Variants in OR2J1 observed in about 807,000 individuals in gnomAD.
OR2J1 encodes the protein olfactory receptor 2J1.
Under a neutral mutation model 10.2 loss-of-function variants are expected in OR2J1, and 10 were observed. The observed-to-expected ratio is 0.98, with a 90% CI of 0.60 to 1.66. The LOEUF (loss-of-function observed/expected upper bound fraction) is 1.66. OR2J1 is among the 40% of genes most tolerant of loss of function. OR2J1 has a pLI of 0.00. For missense variants in OR2J1, 317 were observed against 379.4 expected, an observed-to-expected ratio of 0.84 and a Z score of 1.37; for synonymous variants, 143 against 138.8, an observed-to-expected ratio of 1.03 and a Z score of -0.21.
chr6:29,101,070 A>T lies in OR2J1; in HGVS notation c.128A>T (p.Asn43Ile). The change falls in exon 2 of 2, where the codon AAC (asparagine) becomes ATC (isoleucine). Residue 43 changes from asparagine to isoleucine, a missense_variant. Asn to Ile is a moderately radical substitution (Grantham distance 149, BLOSUM62 -3). Coordinates refer to ENST00000641659, the MANE Select transcript of OR2J1 (RefSeq NM_001348294.2). ...TTCTACTTGATAACACTGATAGGAAACCTGTTCATCATCATCCTGTCATAC... is the reference window on the plus strand; with the variant it reads ...TTCTACTTGATAACACTGATAGGAATCCTGTTCATCATCATCCTGTCATAC... ...LIFYLITLIG[N>I]LFIIILSYLD... 6.5e-7 allele frequency: 1 copy of T among 1,531,506 alleles called. No homozygotes were observed. Among genetic ancestry groups the T allele is most frequent in the Non-Finnish European group, 9.1e-7 (1 of 1,104,966 alleles). 94.9% of individuals were successfully genotyped at this position (1,531,506 alleles called of 1,614,324 possible).
rs1739129143 is a variant in OR2J1 at position 29,099,497 on chromosome 6, G to A, written c.-545G>A. ...TATCAGATTTCACCTTTTAATTACTGTAGTAAGGAAGTCAGGCAGCTGCAT... is the reference window on the plus strand; with the variant it reads ...TATCAGATTTCACCTTTTAATTACTATAGTAAGGAAGTCAGGCAGCTGCAT... On this transcript the variant is annotated 5_prime_UTR_variant, in exon 1 of 2. Coordinates refer to ENST00000641659, the MANE Select transcript of OR2J1 (RefSeq NM_001348294.2). 6.6e-6 allele frequency among the ~76,000 whole-genome samples: 1 copy of A among 150,468 alleles called. No homozygotes were observed. Among genetic ancestry groups the A allele is most frequent in the Admixed American group, 6.7e-5 (1 of 14,976 alleles).
intron 1 of OR2J1, chr6:29,100,528 CTA>C: frequency 6.4e-6 from 1 of 155,192 alleles, no homozygotes; most frequent in East Asian, 1.9e-4. Flanking sequence ...AAGTTCCTAT[CTA>C]TAAGTAAGAT....
At position 29,101,064 on chromosome 6, in the gene OR2J1, T is replaced by C. The variant is rs750827384; in HGVS notation, c.122T>C (p.Ile41Thr). The C allele has an allele frequency of 6.5e-7, 1 of 1,529,478 alleles. No individual in the cohort carries two copies. The highest frequency in any genetic ancestry group is 9.1e-7 in the Non-Finnish European group (1 of 1,102,982). The allele number at this position is 1,529,478 out of a possible 1,614,324, so 94.7% of individuals were successfully genotyped here. A position where few individuals can be genotyped will look rare whatever the true frequency, so the allele number is the denominator to read the frequency against. Residue 41 changes from isoleucine (I) to threonine (T), a missense_variant, in exon 2 of 2, where the codon ATA becomes ACA. By Grantham distance (89) the Ile-to-Thr change is moderately conservative. Coordinates refer to ENST00000641659, the MANE Select transcript of OR2J1 (RefSeq NM_001348294.2). ...VILIFYLITLIGNLFIIILSY... is the reference protein window; with the variant it reads ...VILIFYLITLTGNLFIIILSY... ...TTGATCTTCTACTTGATAACACTGATAGGAAACCTGTTCATCATCATCCTG... is the reference window on the plus strand; with the variant it reads ...TTGATCTTCTACTTGATAACACTGACAGGAAACCTGTTCATCATCATCCTG...
rs1305550446 is a variant in OR2J1 at position 29,101,836 on chromosome 6, A to T, written c.894A>T (p.Val298=). 3.9e-6 allele frequency: 6 copies of T among 1,526,314 alleles called. No homozygotes were observed. The Admixed American group carries it at 1.0e-4, about 25-fold the overall frequency. The allele number at this position is 1,526,314 out of a possible 1,614,324, so 94.5% of individuals were successfully genotyped here. A position where few individuals can be genotyped will look rare whatever the true frequency, so the allele number is the denominator to read the frequency against. The stretch of plus-strand genomic sequence containing the variant: ...TCTACACTTTCAGAAACAAGGATGT[A>T]AGAGGGGCAGTGAAGAGACTAATGG... The part of the protein sequence containing the change: ...PLIYTFRNKD[V]RGAVKRLMGW... The change falls in exon 2 of 2, where the codon GTA becomes GTT. Residue 298 remains valine, a synonymous_variant. Transcript: ENST00000641659.
Position 29,101,815 on chromosome 6 carries a change from C to T in OR2J1, c.873C>T (p.Tyr291=). 1.9e-6 allele frequency: 3 copies of T among 1,583,006 alleles called. No individual in the cohort carries two copies. The highest frequency in any genetic ancestry group is 2.2e-5 in the East Asian group (1 of 44,732). The change falls in exon 2 of 2, where the codon TAC becomes TAT. Residue 291 remains tyrosine, a synonymous_variant. Transcript: ENST00000641659. ...CACCTAGTCTTAACCCTCTAATCTA[C>T]ACTTTCAGAAACAAGGATGTAAGAG... ...VVTPSLNPLI[Y]TFRNKDVRGA... is the part of the protein sequence containing the mutation.
rs951644747 is a variant in OR2J1 at position 29,099,837 on chromosome 6, A to G, written c.-205A>G. ...CAAGATTAGAATATTTGAGTTGTTA[A>G]AAGTTTTTCAAAACACTGAAGGTGA... On this transcript the variant is annotated 5_prime_UTR_variant, in exon 1 of 2. Coordinates refer to ENST00000641659, the MANE Select transcript of OR2J1 (RefSeq NM_001348294.2). The G allele has an allele frequency of 1.3e-4, 20 of 152,226 alleles. No homozygotes were observed. The highest frequency in any genetic ancestry group is 4.6e-4 in the African/African-American group (19 of 41,456). The allele number at this position is 152,226 out of a possible 1,614,324, so 9.4% of individuals were successfully genotyped here.
At position 29,101,174 on chromosome 6, in the gene OR2J1, T is replaced by C; in HGVS notation, c.232T>C (p.Ser78Pro). The C allele has an allele frequency of 1.3e-6, 2 of 1,590,250 alleles. No individual in the cohort carries two copies. Among genetic ancestry groups the C allele is most frequent in the Non-Finnish European group, 1.7e-6 (2 of 1,158,364 alleles). Residue 78 changes from serine (S) to proline (P), a missense_variant, in exon 2 of 2, where the codon TCT becomes CCT. By Grantham distance (74) the Ser-to-Pro change is moderately conservative. Transcript: ENST00000641659. ...SFLDLCYTTS[S>P]IPQLLVNLWG... Reference sequence around the variant, plus strand: ...TCTGGATCTCTGCTACACCACCAGCTCTATCCCTCAGTTGCTGGTGAATCT... The same window carrying C: ...TCTGGATCTCTGCTACACCACCAGCCCTATCCCTCAGTTGCTGGTGAATCT...
Position 29,101,427 on chromosome 6 carries a change from C to T in OR2J1, c.485C>T (p.Ser162Phe), listed in dbSNP as rs767569473. 1.8e-5 allele frequency: 27 copies of T among 1,524,618 alleles called. No homozygotes were observed. In the East Asian group the frequency reaches 4.7e-4, roughly 27 times the overall value. 94.4% of individuals were successfully genotyped at this position (1,524,618 alleles called of 1,614,324 possible). A position where few individuals can be genotyped will look rare whatever the true frequency, so the allele number is the denominator to read the frequency against. The change falls in exon 2 of 2, where the codon TCC becomes TTC. Residue 162 changes from serine (S) to phenylalanine (F), a missense_variant. Ser to Phe is a radical substitution (Grantham distance 155, BLOSUM62 -2). Coordinates refer to ENST00000641659, the MANE Select transcript of OR2J1 (RefSeq NM_001348294.2). The part of the protein sequence containing the change: ...SGFTTSALHS[S>F]FTFWIPLCRH... ...TTTACAACCTCAGCACTTCATTCCT[C>T]CTTTACTTTCTGGATACCCCTATGT...
At position 29,101,625 on chromosome 6, in the gene OR2J1, G is replaced by A; in HGVS notation, c.683G>A (p.Ser228Asn). The change falls in exon 2 of 2, where the codon AGC becomes AAC. Residue 228 changes from serine (S) to asparagine (N), a missense_variant. Physicochemically the swap from Ser to Asn is conservative, Grantham distance 46. Coordinates refer to ENST00000641659, the MANE Select transcript of OR2J1 (RefSeq NM_001348294.2). Reference sequence around the variant, plus strand: ...GGTGCCATTGCCCGGGCTGTACTGAGCATGCAATCAACCACTGGGCTTCAG... The same window carrying A: ...GGTGCCATTGCCCGGGCTGTACTGAACATGCAATCAACCACTGGGCTTCAG... The part of the protein sequence containing the change: ...SYGAIARAVL[S>N]MQSTTGLQKV... The A allele has an allele frequency of 1.2e-6, 2 of 1,612,364 alleles. No individual in the cohort carries two copies. The highest frequency in any genetic ancestry group is 1.7e-6 in the Non-Finnish European group (2 of 1,178,434).
intron 1 of OR2J1, chr6:29,100,471 T>C (rs1761528505): frequency 6.5e-6 from 1 of 152,766 alleles, no homozygotes; most frequent in Non-Finnish European, 1.5e-5. Flanking sequence ...TCTTTTCAGT[T>C]CATATTAATA....
rs746938852 is a variant in OR2J1, at chr6:29,101,832, A to G, written c.890A>G (p.Asp297Gly). 7.8e-6 allele frequency: 12 copies of G among 1,534,298 alleles called. No individual in the cohort carries two copies. Among genetic ancestry groups the G allele is most frequent in the South Asian group, 1.1e-5 (1 of 89,438 alleles). Reference protein sequence around the residue: ...NPLIYTFRNKDVRGAVKRLMG... With the variant: ...NPLIYTFRNKGVRGAVKRLMG... ...CTAATCTACACTTTCAGAAACAAGG[A>G]TGTAAGAGGGGCAGTGAAGAGACTA... The change falls in exon 2 of 2, where the codon GAT (aspartate) becomes GGT (glycine). Residue 297 changes from aspartate to glycine, a missense_variant. Asp to Gly is a moderately conservative substitution (Grantham distance 94). Transcript: ENST00000641659.
rs776860376 is a variant in OR2J1 at position 29,101,422 on chromosome 6, T to C, written c.480T>C (p.His160=). The change falls in exon 2 of 2, where the codon CAT becomes CAC. Residue 160 remains histidine (H), a synonymous_variant. Coordinates refer to ENST00000641659, the MANE Select transcript of OR2J1 (RefSeq NM_001348294.2). ...GTGGTTTTACAACCTCAGCACTTCA[T>C]TCCTCCTTTACTTTCTGGATACCCC... The part of the protein sequence containing the change: ...WVSGFTTSAL[H]SSFTFWIPLC... 6.6e-5 allele frequency: 101 copies of C among 1,528,630 alleles called. No homozygotes were observed. The highest frequency in any genetic ancestry group is 8.7e-5 in the Non-Finnish European group (96 of 1,101,408). 94.7% of individuals were successfully genotyped at this position (1,528,630 alleles called of 1,614,324 possible).
chr6:29,101,238 C>G lies in OR2J1; in HGVS notation c.296C>G (p.Thr99Arg), dbSNP rs771645444. The change falls in exon 2 of 2, where the codon ACG becomes AGG. Residue 99 changes from threonine (T) to arginine (R), a missense_variant. Physicochemically the swap from Thr to Arg is moderately conservative, Grantham distance 71. Coordinates refer to ENST00000641659, the MANE Select transcript of OR2J1 (RefSeq NM_001348294.2). ...PEKTISYAGC[T>R]VQLYFVLALG... is the part of the protein sequence containing the mutation. ...AAGACCATCTCTTATGCTGGTTGTA[C>G]GGTTCAACTTTACTTTGTTCTCGCA... 4 of 1,598,826 alleles carry G rather than the reference C, an allele frequency of 2.5e-6. No homozygotes were observed. The East Asian group carries it at 8.9e-5, about 36-fold the overall frequency.
chr6:29,099,629 T>C lies in OR2J1; in HGVS notation c.-413T>C, dbSNP rs1057428717. 3 of 152,204 alleles carry C rather than the reference T, an allele frequency of 2.0e-5. No homozygotes were observed. The highest frequency in any genetic ancestry group is 7.2e-5 in the African/African-American group (3 of 41,450). 9.4% of individuals were successfully genotyped at this position (152,204 alleles called of 1,614,324 possible). A position where few individuals can be genotyped will look rare whatever the true frequency, so the allele number is the denominator to read the frequency against. On this transcript the variant is annotated 5_prime_UTR_variant, in exon 1 of 2. Coordinates refer to ENST00000641659, the MANE Select transcript of OR2J1 (RefSeq NM_001348294.2). ...CCTAGCGAAATTTTTAAAAAAATTC[T>C]TGCAATTTTTCCATGATTTCTCAAA...
In OR2J1 at chr6:29,100,930, A is replaced by C. The variant is rs759070957; in HGVS notation, c.-13A>C. 1.1e-5 allele frequency: 12 copies of C among 1,084,666 alleles called. No individual in the cohort carries two copies. The highest frequency in any genetic ancestry group is 5.3e-5 in the South Asian group (4 of 75,786). 67.2% of individuals were successfully genotyped at this position (1,084,666 alleles called of 1,614,324 possible). A position where few individuals can be genotyped will look rare whatever the true frequency, so the allele number is the denominator to read the frequency against. On this transcript the variant is annotated 5_prime_UTR_variant, in exon 2 of 2. Transcript: ENST00000641659. ...TTTATGCGATTCTTTCTTTAGGTACAGGAAAAATAAGAATGTTGATGAAAA... is the reference window on the plus strand; with the variant it reads ...TTTATGCGATTCTTTCTTTAGGTACCGGAAAAATAAGAATGTTGATGAAAA...
rs1761627321 is a variant in OR2J1, at chr6:29,101,664, C to T, written c.722C>T (p.Thr241Ile). Residue 241 changes from threonine to isoleucine, a missense_variant, in exon 2 of 2, where the codon ACA (threonine) becomes ATA (isoleucine). Coordinates refer to ENST00000641659, the MANE Select transcript of OR2J1 (RefSeq NM_001348294.2). ...STTGLQKVLR[T>I]CGAHLMVVSL... ...ACTGGGCTTCAGAAAGTGCTTAGGACATGTGGAGCCCATCTTATGGTTGTA... is the reference window on the plus strand; with the variant it reads ...ACTGGGCTTCAGAAAGTGCTTAGGATATGTGGAGCCCATCTTATGGTTGTA... 1 of 1,613,640 alleles carries T rather than the reference C, an allele frequency of 6.2e-7. No homozygotes were observed.
chr6:29,101,022 T>G lies in OR2J1; in HGVS notation c.80T>G (p.Val27Gly), dbSNP rs979463528. The G allele has an allele frequency of 6.7e-7, 1 of 1,502,552 alleles. No homozygotes were observed. Among genetic ancestry groups the G allele is most frequent in the African/African-American group, 1.4e-5 (1 of 72,602 alleles). 93.1% of individuals were successfully genotyped at this position (1,502,552 alleles called of 1,614,324 possible). ...TCTAACTGGCCTCATCTGGAAGTAG[T>G]TCTCTTTGTGGTTATCTTGATCTTC... ...GFSNWPHLEV[V>G]LFVVILIFYL... Residue 27 changes from valine to glycine, a missense_variant, in exon 2 of 2, where the codon GTT becomes GGT. Transcript: ENST00000641659.
In OR2J1 at chr6:29,099,826, T is replaced by C. The variant is rs1172614254; in HGVS notation, c.-216T>C. 3 of 152,200 alleles carry C rather than the reference T, an allele frequency of 2.0e-5. No homozygotes were observed. The highest frequency in any genetic ancestry group is 7.2e-5 in the African/African-American group (3 of 41,454). The allele number at this position is 152,200 out of a possible 1,614,324, so 9.4% of individuals were successfully genotyped here. On this transcript the variant is annotated 5_prime_UTR_variant, in exon 1 of 2. Coordinates refer to ENST00000641659, the MANE Select transcript of OR2J1 (RefSeq NM_001348294.2). ...TTTTCAAGAGTCAAGATTAGAATAT[T>C]TGAGTTGTTAAAAGTTTTTCAAAAC...
chr6:29,101,909 T>C lies in OR2J1; in HGVS notation c.*28T>C. 1 of 900,846 alleles carries C rather than the reference T, an allele frequency of 1.1e-6. No individual in the cohort carries two copies. The highest frequency in any genetic ancestry group is 1.8e-6 in the Non-Finnish European group (1 of 550,122). 55.8% of individuals were successfully genotyped at this position (900,846 alleles called of 1,614,324 possible). A position where few individuals can be genotyped will look rare whatever the true frequency, so the allele number is the denominator to read the frequency against. ...GGGAAATCATGTTGGCTGTTGTTTT[T>C]CCTAGGGTCTTATCCATTTTGAAAG... On this transcript the variant is annotated 3_prime_UTR_variant, in exon 2 of 2. Coordinates refer to ENST00000641659, the MANE Select transcript of OR2J1 (RefSeq NM_001348294.2).
Sources: gnomAD v4.1 joint callset for allele counts (sites outside exome capture counted in the v4.1 genomes callset) on GRCh38, gnomAD v4.1.1 for gene constraint, MANE v1.5 for transcripts, NCBI Gene and HGNC (gene_info 2026-07-23, HGNC 2026-07-21) for gene names.